RB1CC1: variants seen among roughly 807,000 people sequenced by gnomAD.
RB1CC1 encodes the protein RB1-inducible coiled-coil protein 1.
RB1CC1 carries 46 observed loss-of-function variants against 177.5 expected under a neutral mutation model. The observed-to-expected ratio is 0.26, with a 90% confidence interval of 0.20 to 0.33. The LOEUF (loss-of-function observed/expected upper bound fraction) is 0.33. RB1CC1 is among the 10% of genes least tolerant of loss of function. The probability of loss-of-function intolerance (pLI) is 1.00; values close to 1 mark genes in which losing one functional copy is unlikely to be tolerated. For missense variants in RB1CC1, 1,703 were observed against 1,816.3 expected (o/e 0.94, Z 1.13); for synonymous variants, 666 against 613.6 (o/e 1.09, Z -1.26).
chr8:52,706,429 C>T (rs1472531222), intron 1 of RB1CC1, among the ~76,000 whole-genome samples: 22 of 151,100 alleles, frequency 1.5e-4, no homozygotes, highest in Non-Finnish European at 2.7e-4. Flanking sequence ...GTGCGATCTC[C>T]GCTCACTGCA....
chr8:52,689,364 C>T (rs1012383616), intron 1 of RB1CC1, among the ~76,000 whole-genome samples: 5 of 152,110 alleles, frequency 3.3e-5, no homozygotes, highest in Non-Finnish European at 7.3e-5. Context: ...ATTTCTATCC[C>T]TACTGCCTTA....
intron 15 of RB1CC1, among the ~76,000 whole-genome samples, chr8:52,652,122 GAAC>G (rs1194513389): frequency 1.3e-5 from 2 of 151,908 alleles, no homozygotes; most frequent in African/African-American, 4.8e-5. Flanking sequence ...CAAATACATA[GAAC>G]AATGGTACTC....
intron 1 of RB1CC1, among the ~76,000 whole-genome samples, chr8:52,703,420 C>T (rs756668665): frequency 1.3e-5 from 2 of 152,160 alleles, no homozygotes; most frequent in Non-Finnish European, 2.9e-5. Context: ...GTATAAATTC[C>T]TTAGACTGAC....
chr8:52,700,302 T>C (rs893769849), intron 1 of RB1CC1, among the ~76,000 whole-genome samples: 18 of 151,898 alleles, frequency 1.2e-4, no homozygotes, highest in African/African-American at 2.2e-4. Flanking sequence ...GGCAGGTGGA[T>C]TGCTTGAGAT....
chr8:52,678,446 T>A (rs937731719), intron 5 of RB1CC1, among the ~76,000 whole-genome samples: 2 of 152,076 alleles, frequency 1.3e-5, no homozygotes, highest in Non-Finnish European at 2.9e-5. Context: ...AAGTATAGTA[T>A]GCTTTCATTT....
At chr8:52,702,163 A>T (rs1314306339) in intron 1 of RB1CC1, among the ~76,000 whole-genome samples, 2 of 152,172 alleles carry the variant, frequency 1.3e-5, no homozygotes, top group African/African-American at 4.8e-5. Flanking sequence ...ATTAATCTTT[A>T]TGTGGTCATG....
intron 15 of RB1CC1, among the ~76,000 whole-genome samples, chr8:52,651,286 A>C (rs1326293457): frequency 6.6e-6 from 1 of 152,194 alleles, no homozygotes; most frequent in African/African-American, 2.4e-5. Context: ...AGATGGCAAA[A>C]TGAGATACTC....
chr8:52,662,797 C>G (rs1422137336), intron 8 of RB1CC1, among the ~76,000 whole-genome samples: 1 of 151,572 alleles, frequency 6.6e-6, no homozygotes, highest in South Asian at 2.1e-4. Flanking sequence ...CCTTTTTTTT[C>G]CCTTTCAATA....
At position 52,673,871 on chromosome 8, in the gene RB1CC1, T is replaced by G; in HGVS notation, c.976A>C (p.Arg326=). The G allele has an allele frequency of 6.2e-7, 1 of 1,611,798 alleles. No individual in the cohort carries two copies. The highest frequency in any genetic ancestry group is 8.5e-7 in the Non-Finnish European group (1 of 1,178,128). ...CTGCTCATAGAATCAAAGCACTTCC[T>G]GACCAAAGATTCCACATCATTAGGT... The part of the protein sequence containing the change: ...DRPNDVESLV[R]KCFDSMSRLD... The change falls in exon 7 of 24, where the codon AGG becomes CGG. Residue 326 remains arginine (R), a synonymous_variant. Transcript: ENST00000025008.
intron 16 of RB1CC1, 105 bp downstream of exon 16, chr8:52,645,597 C>A (rs1170846765): frequency 8.7e-6 from 10 of 1,150,036 alleles, no homozygotes; most frequent in Admixed American, 6.0e-5. Context: ...TAAGGAACAT[C>A]ACATCTAAGA....
chr8:52,652,459 CAAAAAAAAAAAA>C (rs35615959), intron 15 of RB1CC1, among the ~76,000 whole-genome samples: 1 of 92,688 alleles, frequency 1.1e-5, no homozygotes, highest in African/African-American at 4.1e-5. Context: ...GACTCTGTCT[CAAAAAAAAAAAA>C]AAAAAAAAGT....
intron 1 of RB1CC1, among the ~76,000 whole-genome samples, chr8:52,690,528 T>C (rs989245455): frequency 1.3e-5 from 2 of 152,182 alleles, no homozygotes; most frequent in African/African-American, 4.8e-5. Flanking sequence ...ATTTATGTGA[T>C]CAAAGGAGGC....
chr8:52,642,351 T>C lies in RB1CC1; in HGVS notation c.4337A>G (p.Gln1446Arg), dbSNP rs1029529060. The change falls in exon 18 of 24, where the codon CAA becomes CGA. Residue 1446 changes from glutamine to arginine, a missense_variant and splice_region_variant. By Grantham distance (43) the Gln-to-Arg change is conservative. Coordinates refer to ENST00000025008, the MANE Select transcript of RB1CC1 (RefSeq NM_014781.5). The part of the protein sequence containing the change: ...SAMETSMMSV[Q>R]ENIHMLSEEK... Reference sequence around the variant, plus strand: ...AACAGTTGAAAACAGCCATACTTACTGTACAGACATCATGCTTGTCTCCAT... The same window carrying C: ...AACAGTTGAAAACAGCCATACTTACCGTACAGACATCATGCTTGTCTCCAT... 15 of 1,608,904 alleles carry C rather than the reference T, an allele frequency of 9.3e-6. No individual in the cohort carries two copies. Among genetic ancestry groups the C allele is most frequent in the Admixed American group, 3.3e-5 (2 of 59,800 alleles).
intron 8 of RB1CC1, among the ~76,000 whole-genome samples, chr8:52,666,172 A>G (rs1002117470): frequency 2.8e-5 from 4 of 141,616 alleles, no homozygotes; most frequent in African/African-American, 7.4e-5. Context: ...TTTTCTTATT[A>G]AAAAAAAAAT....
In RB1CC1 at chr8:52,683,543, T is replaced by A. The variant is rs1346085590; in HGVS notation, c.369+6A>T. ...CAATCAGTTAAAATAATTGTTTATA[T>A]CTTACCAATGCAAGCTGTGTCCTTG... On this transcript the variant is annotated splice_donor_region_variant and intron_variant, in intron 5 of 23. Transcript: ENST00000025008. 6 of 1,572,596 alleles carry A rather than the reference T, an allele frequency of 3.8e-6. No homozygotes were observed. In the Admixed American group the frequency reaches 9.6e-5, roughly 25 times the overall value.
At chr8:52,661,412 TC>T (rs1403505756) in intron 9 of RB1CC1, 122 bp downstream of exon 9, 16 of 1,454,958 alleles carry the variant, frequency 1.1e-5, no homozygotes, top group Non-Finnish European at 1.5e-5. Context: ...ATAGTCTAAT[TC>T]CAAAGTTCAT....
At chr8:52,635,876 T>C (rs1849103844) in intron 19 of RB1CC1, 139 bp downstream of exon 19, 1 of 1,053,396 alleles carries the variant, frequency 9.5e-7, no homozygotes, top group South Asian at 1.6e-5. Context: ...CCCAAAACAG[T>C]GACCACAAAA....
intron 5 of RB1CC1, among the ~76,000 whole-genome samples, chr8:52,682,103 C>T (rs1255979127): frequency 6.6e-6 from 1 of 152,198 alleles, no homozygotes; most frequent in Non-Finnish European, 1.5e-5. Flanking sequence ...GGGAGGGAGG[C>T]TGCACCCTGC....
rs1848526861 is a variant in RB1CC1, at chr8:52,628,173, A to G, written c.4500-5T>C. 6.2e-7 allele frequency: 1 copy of G among 1,605,844 alleles called. No homozygotes were observed. The highest frequency in any genetic ancestry group is 1.3e-5 in the African/African-American group (1 of 74,480). On this transcript the variant is annotated splice_polypyrimidine_tract_variant and splice_region_variant and intron_variant, in intron 21 of 23. Coordinates refer to ENST00000025008, the MANE Select transcript of RB1CC1 (RefSeq NM_014781.5). ...ACCAAATCTCCCACCTGAAAACTGA[A>G]TAAAGAAATGCAATTTTATTGACTT...
Sources: gnomAD v4.1 joint callset for allele counts (sites outside exome capture counted in the v4.1 genomes callset) on GRCh38, gnomAD v4.1.1 for gene constraint, MANE v1.5 for transcripts, NCBI Gene and HGNC (gene_info 2026-07-23, HGNC 2026-07-21) for gene names.